DIAPH3: variants seen among roughly 807,000 people sequenced by gnomAD.
DIAPH3 encodes the protein diaphanous related formin 3, also known as protein diaphanous homolog 3.
Under a neutral mutation model 144.3 loss-of-function variants are expected in DIAPH3, and 117 were observed. The observed-to-expected ratio is 0.81, with a 90% confidence interval of 0.70 to 0.95. The LOEUF is 0.95. Among genes scored for constraint, DIAPH3 ranks in the 40% least tolerant of loss-of-function variants. The pLI is 0.00. For synonymous variants in DIAPH3, 519 were observed against 488.9 expected (o/e 1.06, Z -0.81); for missense variants, 1,421 against 1,412.7 (o/e 1.01, Z -0.09).
rs935824064 is a variant in DIAPH3, at chr13:59,799,018, TG to T, written c.3163+11769del. On this transcript the variant is annotated intron_variant, in intron 25 of 27. Coordinates refer to ENST00000400324, the MANE Select transcript of DIAPH3 (RefSeq NM_001042517.2). ...ACAGTAATTTCCTATGCATCCTGCCTGGGGAAGAAAAAAAAAGTTCACTAAG... is the reference window on the plus strand; with the variant it reads ...ACAGTAATTTCCTATGCATCCTGCCTGGGAAGAAAAAAAAAGTTCACTAAG... Among the ~76,000 whole-genome samples, 2 of 151,726 alleles carry T rather than the reference TG, an allele frequency of 1.3e-5. 1 individual carries two copies. Among genetic ancestry groups the T allele is most frequent in the Non-Finnish European group, 2.9e-5 (2 of 67,934 alleles).
At chr13:60,130,392 T>C (rs2138215096) in intron 2 of DIAPH3, among the ~76,000 whole-genome samples, 1 of 152,262 alleles carries the variant, frequency 6.6e-6, no homozygotes, top group Non-Finnish European at 1.5e-5. Flanking sequence ...GAGACAGTAG[T>C]TCAGTCAGCA....
chr13:60,041,071 C>T (rs2141184010), intron 5 of DIAPH3, among the ~76,000 whole-genome samples: 1 of 152,274 alleles, frequency 6.6e-6, no homozygotes, highest in South Asian at 2.1e-4. Flanking sequence ...GCCCCGACCT[C>T]CCAAAGTGCT....
intron 24 of DIAPH3, among the ~76,000 whole-genome samples, chr13:59,828,972 A>C (rs1442592938): frequency 6.6e-6 from 1 of 151,980 alleles, no homozygotes; most frequent in Non-Finnish European, 1.5e-5. Context: ...AGAAGCTACA[A>C]GATTTTGAAA....
chr13:59,731,610 G>A (rs555055779), intron 27 of DIAPH3, among the ~76,000 whole-genome samples: 1 of 152,226 alleles, frequency 6.6e-6, no homozygotes, highest in African/African-American at 2.4e-5. Flanking sequence ...AGGCAGCTCT[G>A]TAATTACACT....
rs551050474 is a variant in DIAPH3, at chr13:59,822,092, C to T, written c.3027+11015G>A. Among the ~76,000 whole-genome samples, 5 of 152,220 alleles carry T rather than the reference C, an allele frequency of 3.3e-5. No homozygotes were observed. The South Asian group carries it at 8.3e-4, about 25-fold the overall frequency. Reference sequence around the variant, plus strand: ...TTTCTTTGCAATCTCTTCCACAATTCGTAAAATTTTCAAGTAAATGAGATA... The same window carrying T: ...TTTCTTTGCAATCTCTTCCACAATTTGTAAAATTTTCAAGTAAATGAGATA... On this transcript the variant is annotated intron_variant, in intron 24 of 27. Transcript: ENST00000400324.
At chr13:59,994,534 T>C (rs2140848509) in intron 9 of DIAPH3, among the ~76,000 whole-genome samples, 1 of 151,986 alleles carries the variant, frequency 6.6e-6, no homozygotes, top group East Asian at 1.9e-4. Flanking sequence ...TGAAGATATA[T>C]CAGTAAAATG....
intron 22 of DIAPH3, among the ~76,000 whole-genome samples, chr13:59,854,786 C>T (rs2043171376): frequency 6.6e-6 from 1 of 152,170 alleles, no homozygotes; most frequent in Non-Finnish European, 1.5e-5. Flanking sequence ...GTAGCTACTT[C>T]AAATCCGTAG....
At chr13:59,870,038 G>A (rs537109430) in intron 21 of DIAPH3, among the ~76,000 whole-genome samples, 18 of 151,804 alleles carry the variant, frequency 1.2e-4, no homozygotes, top group Admixed American at 3.9e-4. Context: ...TATCTAAAAC[G>A]TCATAATAAA....
At chr13:59,889,995 T>C (rs1252218803) in intron 20 of DIAPH3, among the ~76,000 whole-genome samples, 1 of 152,130 alleles carries the variant, frequency 6.6e-6, no homozygotes, top group African/African-American at 2.4e-5. Context: ...CCTTATTTGA[T>C]TGAATGTCAA....
intron 20 of DIAPH3, 142 bp from the exon 21 acceptor site, chr13:59,879,610 G>C (rs1333655659): frequency 8.2e-7 from 1 of 1,218,884 alleles, no homozygotes; most frequent in Middle Eastern, 2.6e-4. Context: ...AGCAGGAAGA[G>C]AGAAAAGCCC....
chr13:59,706,113 A>G (rs1317274477), intron 27 of DIAPH3, among the ~76,000 whole-genome samples: 1 of 152,070 alleles, frequency 6.6e-6, no homozygotes, highest in East Asian at 1.9e-4. Flanking sequence ...CCTCCTGTAT[A>G]CTTTAAATCA....
intron 14 of DIAPH3, among the ~76,000 whole-genome samples, chr13:59,977,628 C>G (rs922126886): frequency 6.6e-6 from 1 of 151,794 alleles, no homozygotes; most frequent in East Asian, 1.9e-4. Context: ...CAAGCGAGAA[C>G]TGAAGGCCTT....
chr13:59,762,462 A>AAAC (rs10690831), intron 27 of DIAPH3, among the ~76,000 whole-genome samples: 51,831 of 151,830 alleles, frequency 0.34, 9,281 homozygotes, highest in African/African-American at 0.44. Context: ...AAAGGTGTGA[A>AAAC]AAAGAGGCAG....
chr13:59,911,333 C>T (rs1311465221), intron 20 of DIAPH3, among the ~76,000 whole-genome samples: 6 of 152,076 alleles, frequency 3.9e-5, no homozygotes, highest in East Asian at 1.9e-4. Context: ...TTTATAATTT[C>T]GGTCTAAACT....
intron 4 of DIAPH3, among the ~76,000 whole-genome samples, chr13:60,050,925 T>G (rs913048490): frequency 6.6e-6 from 1 of 152,182 alleles, no homozygotes; most frequent in Non-Finnish European, 1.5e-5. Context: ...GTCCTCAATA[T>G]GAAAATAAAT....
intron 25 of DIAPH3, among the ~76,000 whole-genome samples, chr13:59,802,363 T>C (rs1566330841): frequency 6.6e-6 from 1 of 151,988 alleles, no homozygotes; most frequent in Non-Finnish European, 1.5e-5. Flanking sequence ...TAGCAAGAAA[T>C]ATGCCTAAAG....
chr13:59,941,561 AC>A (rs888006917), intron 17 of DIAPH3, among the ~76,000 whole-genome samples: 2 of 152,204 alleles, frequency 1.3e-5, no homozygotes, highest in African/African-American at 4.8e-5. Flanking sequence ...AGAAGCCTCT[AC>A]CAATATGGGG....
chr13:59,825,143 C>G, intron 24 of DIAPH3, among the ~76,000 whole-genome samples: 1 of 151,934 alleles, frequency 6.6e-6, no homozygotes, highest in Non-Finnish European at 1.5e-5. Context: ...CCCATTAACT[C>G]GTCATTTAGC....
At chr13:59,878,317 T>C (rs1794579234) in intron 21 of DIAPH3, among the ~76,000 whole-genome samples, 1 of 152,124 alleles carries the variant, frequency 6.6e-6, no homozygotes. Context: ...AAGGCATTGA[T>C]AGCAATGAGA....
Sources: gnomAD v4.1 joint callset for allele counts (sites outside exome capture counted in the v4.1 genomes callset) on GRCh38, gnomAD v4.1.1 for gene constraint, MANE v1.5 for transcripts, NCBI Gene and HGNC (gene_info 2026-07-23, HGNC 2026-07-21) for gene names.